SHANK2: variants seen among roughly 807,000 people sequenced by gnomAD.
SHANK2 encodes the protein SH3 and multiple ankyrin repeat domains 2.
Under a neutral mutation model 133.7 loss-of-function variants are expected in SHANK2, and 43 were observed. That is an observed-to-expected ratio of 0.32 (90% CI 0.25 to 0.41). The LOEUF is 0.41. Among genes scored for constraint, SHANK2 ranks in the 10% least tolerant of loss-of-function variants. The pLI, the probability that SHANK2 is intolerant of heterozygous loss-of-function variation, is 1.00. For synonymous variants in SHANK2, 1,017 were observed against 952.8 expected (o/e 1.07, Z -1.24); for missense variants, 1,994 against 2,235.8 (o/e 0.89, Z 2.18).
At chr11:71,102,364 T>C (rs1951728909) in intron 6 of SHANK2, among the ~76,000 whole-genome samples, 1 of 152,176 alleles carries the variant, frequency 6.6e-6, no homozygotes, top group Non-Finnish European at 1.5e-5. Flanking sequence ...TTGTTTTCAT[T>C]GACAGGTCGT....
rs550287903 is a variant in SHANK2, at chr11:70,577,149, C to T, written c.2062-74218G>A. 4.6e-5 allele frequency among the ~76,000 whole-genome samples: 7 copies of T among 152,294 alleles called. No individual in the cohort carries two copies. The East Asian group carries it at 1.2e-3, about 25-fold the overall frequency. On this transcript the variant is annotated intron_variant, in intron 17 of 25. Transcript: ENST00000601538. ...GGATACAGTGACACAGACGTGACAC[C>T]GTGGAGCCCAGACAGCCCCAGGAGG...
chr11:70,743,397 G>GC (rs1280830576), intron 14 of SHANK2, among the ~76,000 whole-genome samples: 1 of 152,234 alleles, frequency 6.6e-6, no homozygotes, highest in East Asian at 1.9e-4. Context: ...AGTACCCCTC[G>GC]CCCCCCAATG....
intron 12 of SHANK2, among the ~76,000 whole-genome samples, chr11:70,811,206 TGGG>T (rs1363553794): frequency 1.3e-5 from 2 of 152,030 alleles, no homozygotes; most frequent in Non-Finnish European, 2.9e-5. Context: ...TGACAGTAGC[TGGG>T]GCAGGGCAGA....
intron 17 of SHANK2, among the ~76,000 whole-genome samples, chr11:70,554,924 G>A (rs1554979157): frequency 1.9e-5 from 2 of 102,590 alleles, no homozygotes; most frequent in South Asian, 3.4e-4. Context: ...TTAACAAATC[G>A]AAGGCCTGCA....
At chr11:70,617,624 C>G (rs11236901) in intron 17 of SHANK2, among the ~76,000 whole-genome samples, 25,296 of 152,086 alleles carry the variant, frequency 0.17, 2,721 homozygotes, top group Non-Finnish European at 0.25. Context: ...AGAGCAAGCT[C>G]GAGTTCAGAG....
At chr11:70,867,540 C>A (rs1188513347) in intron 11 of SHANK2, among the ~76,000 whole-genome samples, 4 of 152,226 alleles carry the variant, frequency 2.6e-5, no homozygotes, top group African/African-American at 9.6e-5. Context: ...GCCTTCACAA[C>A]CTCGCTGCCC....
At chr11:70,950,721 C>G (rs997827331) in intron 10 of SHANK2, among the ~76,000 whole-genome samples, 40 of 152,206 alleles carry the variant, frequency 2.6e-4, no homozygotes, top group African/African-American at 9.2e-4. Flanking sequence ...GATTCTCATG[C>G]CTCAGCCTCC....
At chr11:71,250,961 A>C (rs964728868) in intron 1 of SHANK2, among the ~76,000 whole-genome samples, 1 of 152,146 alleles carries the variant, frequency 6.6e-6, no homozygotes, top group Non-Finnish European at 1.5e-5. Flanking sequence ...AACGAAAAAG[A>C]GGTCACTCAA....
intron 3 of SHANK2, among the ~76,000 whole-genome samples, chr11:71,125,192 C>T (rs1329996556): frequency 2.0e-5 from 3 of 152,024 alleles, no homozygotes; most frequent in South Asian, 2.1e-4. Flanking sequence ...GTAGCCCCTA[C>T]GTGTCCAAGT....
At chr11:70,624,450 T>C (rs1565189813) in intron 17 of SHANK2, among the ~76,000 whole-genome samples, 1 of 151,670 alleles carries the variant, frequency 6.6e-6, no homozygotes, top group Admixed American at 6.6e-5. Context: ...CCCTCCTGCC[T>C]GAGCCAGGAT....
At chr11:71,225,672 A>G (rs782658281) in intron 1 of SHANK2, among the ~76,000 whole-genome samples, 95 of 152,264 alleles carry the variant, frequency 6.2e-4, no homozygotes, top group Non-Finnish European at 1.1e-3. Flanking sequence ...GCCAACATGG[A>G]GGTGACAGAG....
chr11:71,244,073 T>C (rs962417201), intron 1 of SHANK2, among the ~76,000 whole-genome samples: 1 of 152,220 alleles, frequency 6.6e-6, no homozygotes, highest in Non-Finnish European at 1.5e-5. Context: ...ATAGGCTTCC[T>C]TGGGCAGCCA....
rs1437927850 is a variant in SHANK2, at chr11:71,213,718, C to T, written c.-13+10979G>A. On this transcript the variant is annotated intron_variant, in intron 2 of 25. Coordinates refer to ENST00000601538, the MANE Select transcript of SHANK2 (RefSeq NM_012309.5). ...GCTGATCTTCCTTCTACAAACATGT[C>T]ATCTCCCTCTCTGGCTCTTGCCAGC... Among the ~76,000 whole-genome samples, 3 of 152,194 alleles carry T rather than the reference C, an allele frequency of 2.0e-5. 1 individual carries two copies. In the East Asian group the frequency reaches 5.8e-4, roughly 29 times the overall value.
intron 17 of SHANK2, among the ~76,000 whole-genome samples, chr11:70,579,808 C>A (rs207472000): frequency 6.6e-6 from 1 of 152,182 alleles, no homozygotes. Flanking sequence ...TCACAAGCGT[C>A]CTGATAAGTG....
intron 11 of SHANK2, among the ~76,000 whole-genome samples, chr11:70,890,333 G>A (rs781883629): frequency 2.0e-5 from 3 of 151,942 alleles, no homozygotes; most frequent in Admixed American, 6.5e-5. Context: ...GTGAAACCCC[G>A]TCTCTACTAA....
At chr11:70,646,772 G>A (rs782811847) in intron 17 of SHANK2, among the ~76,000 whole-genome samples, 31 of 152,038 alleles carry the variant, frequency 2.0e-4, no homozygotes, top group Admixed American at 4.6e-4. Context: ...AGAAAACAGG[G>A]TTTCTGATCT....
At chr11:70,772,050 G>C (rs2135055048) in intron 14 of SHANK2, among the ~76,000 whole-genome samples, 1 of 152,310 alleles carries the variant, frequency 6.6e-6, no homozygotes. Context: ...AAATGACAAA[G>C]AGCCCCTTGT....
Position 70,472,712 on chromosome 11 carries a change from A to C in SHANK2, c.*157T>G. The C allele has an allele frequency of 1.3e-6, 1 of 760,396 alleles. No homozygotes were observed. Among genetic ancestry groups the C allele is most frequent in the Non-Finnish European group, 2.3e-6 (1 of 440,262 alleles). 47.1% of individuals were successfully genotyped at this position (760,396 alleles called of 1,614,324 possible). A position where few individuals can be genotyped will look rare whatever the true frequency, so the allele number is the denominator to read the frequency against. On this transcript the variant is annotated 3_prime_UTR_variant, in exon 26 of 26. Coordinates refer to ENST00000601538, the MANE Select transcript of SHANK2 (RefSeq NM_012309.5). This position sits in a 1 kb window ranked among gnomAD's most constrained non-coding sequence, Gnocchi z 4.4. ...GAGCCAGGGGTCTGAAGACCCAGCC[A>C]TGTTGTGGACACAACTCAGTATTTC...
In SHANK2 at chr11:71,094,900, C is replaced by T. The variant is rs933234871; in HGVS notation, c.593-212G>A. ...CGATGCAGTGACACGCAGGGCCACGCGTACAACACAGCGGTGGCAGAGGCA... is the reference window on the plus strand; with the variant it reads ...CGATGCAGTGACACGCAGGGCCACGTGTACAACACAGCGGTGGCAGAGGCA... On this transcript the variant is annotated intron_variant, in intron 6 of 25. Transcript: ENST00000601538. Among the ~76,000 whole-genome samples, 6 of 152,212 alleles carry T rather than the reference C, an allele frequency of 3.9e-5. No homozygotes were observed. The East Asian group carries it at 5.8e-4, about 15-fold the overall frequency.
Sources: gnomAD v4.1 joint callset for allele counts (sites outside exome capture counted in the v4.1 genomes callset) on GRCh38, gnomAD v4.1.1 for gene constraint, Gnocchi (gnomAD v3.1) non-coding constraint, MANE v1.5 for transcripts, NCBI Gene and HGNC (gene_info 2026-07-23, HGNC 2026-07-21) for gene names.